The following IQANK1 variants were observed in gnomAD, a reference collection of about 807,000 sequenced individuals.
IQANK1 encodes IQ motif and ankyrin repeat containing 1, also known as IQ motif and ankyrin repeat domain-containing protein 1.
IQANK1 carries 30 observed loss-of-function variants against 22.6 expected under a neutral mutation model. The observed-to-expected ratio is 1.33, with a 90% confidence interval of 0.99 to 1.80. The LOEUF (loss-of-function observed/expected upper bound fraction) is 1.80. Among genes scored for constraint, IQANK1 ranks in the 40% most tolerant of loss-of-function variants. The pLI, the probability that IQANK1 is intolerant of heterozygous loss-of-function variation, is 0.00. For missense variants in IQANK1, 275 were observed against 235.2 expected, an observed-to-expected ratio of 1.17 and a Z score of -1.11; for synonymous variants, 122 against 99.6, an observed-to-expected ratio of 1.23 and a Z score of -1.34.
At position 143,771,731 on chromosome 8, in the gene IQANK1, C is replaced by T. The variant is rs983821788; in HGVS notation, c.307-70C>T. On this transcript the variant is annotated intron_variant, in intron 4 of 13. Transcript: ENST00000527139. The surrounding 1 kb of genome is among the most constrained non-coding windows in gnomAD (Gnocchi z 6.0). The stretch of plus-strand genomic sequence containing the variant: ...TCAGATCGGGCTCCGACCTCAGAGG[C>T]GTGGACCGTGGCCTCGGGGCTCGGG... The T allele has an allele frequency of 9.3e-5, 37 of 396,690 alleles. No homozygotes were observed. Among genetic ancestry groups the T allele is most frequent in the Non-Finnish European group, 1.6e-4 (36 of 225,312 alleles). 24.6% of individuals were successfully genotyped at this position (396,690 alleles called of 1,614,324 possible).
Position 143,774,164 on chromosome 8 carries a change from A to G in IQANK1, c.789+1682A>G, listed in dbSNP as rs78804226. ...TTGGAGGGATTCTTGGACATGACAC[A>G]AAAAGCACAATCCAAAAAAAAAAAA... On this transcript the variant is annotated intron_variant, in intron 7 of 13. Transcript: ENST00000527139. This position sits in a 1 kb window ranked among gnomAD's most constrained non-coding sequence, Gnocchi z 4.2. Among the ~76,000 whole-genome samples, 6,323 of 114,542 alleles carry G rather than the reference A, an allele frequency of 0.055. 382 individuals carry two copies. The highest frequency in any genetic ancestry group is 0.16 in the African/African-American group (5,685 of 36,084). 75.1% of individuals were successfully genotyped at this position (114,542 alleles called of 152,430 possible).
intron 3 of IQANK1, among the ~76,000 whole-genome samples, chr8:143,748,407 T>C (rs1819075918): frequency 6.8e-6 from 1 of 147,662 alleles, no homozygotes; most frequent in Non-Finnish European, 1.5e-5. Context: ...TTCAGTCCAT[T>C]GTGTTGGCTT....
intron 3 of IQANK1, among the ~76,000 whole-genome samples, chr8:143,752,062 T>C (rs2129841656): frequency 6.6e-6 from 1 of 152,158 alleles, no homozygotes; most frequent in East Asian, 1.9e-4. Flanking sequence ...GCCTCCCAGG[T>C]TCAAGCGATT....
intron 7 of IQANK1, among the ~76,000 whole-genome samples, chr8:143,786,944 C>A (rs558829388): frequency 6.6e-6 from 1 of 152,138 alleles, no homozygotes; most frequent in Non-Finnish European, 1.5e-5. Flanking sequence ...GGGGGCTGAT[C>A]GAGGAATACA....
At chr8:143,764,451 C>CAAA (rs33978948) in intron 3 of IQANK1, among the ~76,000 whole-genome samples, 148 of 129,470 alleles carry the variant, frequency 1.1e-3, no homozygotes, top group Middle Eastern at 4.2e-3. Context: ...TCCGTCGCTA[C>CAAA]AAAAAAAAAA....
chr8:143,789,679 G>T (rs1819981453), intron 10 of IQANK1, 82 bp from the exon 11 acceptor site: 3 of 1,213,734 alleles, frequency 2.5e-6, no homozygotes, highest in Non-Finnish European at 1.0e-6. Context: ...TTGGGGTGGG[G>T]TGGGGAGGAA....
chr8:143,744,031 A>C (rs535435890), intron 3 of IQANK1: 1 of 308,604 alleles, frequency 3.2e-6, no homozygotes, highest in Non-Finnish European at 6.4e-6. Flanking sequence ...ACAGGGTTTC[A>C]CCATGTTGGC....
intron 7 of IQANK1, among the ~76,000 whole-genome samples, chr8:143,787,587 G>T (rs1216801436): frequency 1.3e-5 from 2 of 152,136 alleles, no homozygotes; most frequent in African/African-American, 4.8e-5. Context: ...TCCCAGTTCT[G>T]CCCACATTCA....
Position 143,775,004 on chromosome 8 carries a change from C to A in IQANK1, c.789+2522C>A, listed in dbSNP as rs184113688. On this transcript the variant is annotated intron_variant, in intron 7 of 13. Coordinates refer to ENST00000527139, the MANE Select transcript of IQANK1 (RefSeq NM_001381874.1). ...GCAGGAAAAGCGGGGAGAGATGGGGCCGACTGGGCAGGAGTAGCACAAGAG... is the reference window on the plus strand; with the variant it reads ...GCAGGAAAAGCGGGGAGAGATGGGGACGACTGGGCAGGAGTAGCACAAGAG... Among the ~76,000 whole-genome samples the A allele has an allele frequency of 3.0e-4, 46 of 152,202 alleles. No homozygotes were observed. The East Asian group carries it at 5.0e-3, about 17-fold the overall frequency.
intron 2 of IQANK1, among the ~76,000 whole-genome samples, chr8:143,737,441 G>A (rs1454514053): frequency 6.6e-6 from 1 of 152,222 alleles, no homozygotes; most frequent in Non-Finnish European, 1.5e-5. Flanking sequence ...CATTGGGCCA[G>A]CCTGGGCAGG....
At chr8:143,749,258 G>T (rs1270800356) in intron 3 of IQANK1, among the ~76,000 whole-genome samples, 1 of 114,668 alleles carries the variant, frequency 8.7e-6, no homozygotes, top group Non-Finnish European at 1.6e-5. Context: ...TGTTATATAT[G>T]ATATAAATGT....
At chr8:143,788,783 C>A (rs1425948963) in intron 7 of IQANK1, 132 bp from the exon 8 acceptor site, 1 of 397,560 alleles carries the variant, frequency 2.5e-6, no homozygotes, top group African/African-American at 2.1e-5. Flanking sequence ...CCACCACGCA[C>A]CAGCTGTGAG....
chr8:143,738,677 T>C (rs1818809747), intron 2 of IQANK1, among the ~76,000 whole-genome samples: 1 of 152,150 alleles, frequency 6.6e-6, no homozygotes, highest in African/African-American at 2.4e-5. Context: ...GGTCCTGCCC[T>C]GGGCGGCACC....
Position 143,764,959 on chromosome 8 carries a change from T to C in IQANK1, c.176-6529T>C, listed in dbSNP as rs116504635. ...ACACTATTGCATCCCCACCTAACTC[T>C]GCTCCTCCCTGCAGATGAATCCACT... On this transcript the variant is annotated intron_variant, in intron 3 of 13. Coordinates refer to ENST00000527139, the MANE Select transcript of IQANK1 (RefSeq NM_001381874.1). 9.7e-3 allele frequency among the ~76,000 whole-genome samples: 1,473 copies of C among 152,312 alleles called. 28 individuals are homozygous for C. The highest frequency in any genetic ancestry group is 0.033 in the African/African-American group (1,382 of 41,562).
At chr8:143,742,903 G>A (rs1006456436) in intron 3 of IQANK1, 5 of 456,108 alleles carry the variant, frequency 1.1e-5, no homozygotes, top group Admixed American at 7.0e-5. Flanking sequence ...CTTGCTGGAC[G>A]GAGGCACAGG....
rs1819996131 is a variant in IQANK1 at position 143,790,054 on chromosome 8, G to C, written c.1279G>C (p.Ala427Pro). The change falls in exon 12 of 14, where the codon GCC becomes CCC. Residue 427 changes from alanine to proline, a missense_variant. Ala to Pro is a conservative substitution (Grantham distance 27, BLOSUM62 -1). Coordinates refer to ENST00000527139, the MANE Select transcript of IQANK1 (RefSeq NM_001381874.1). Reference protein sequence around the residue: ...LMKDVGNRIRADGRWPLVIDP... With the variant: ...LMKDVGNRIRPDGRWPLVIDP... ...GAAAGATGTAGGCAACCGCATCCGTGCCGATGGCCGGTCAGTTCTCCGGGC... is the reference window on the plus strand; with the variant it reads ...GAAAGATGTAGGCAACCGCATCCGTCCCGATGGCCGGTCAGTTCTCCGGGC... The C allele has an allele frequency of 8.1e-7, 1 of 1,231,998 alleles. No individual in the cohort carries two copies. Among genetic ancestry groups the C allele is most frequent in the Admixed American group, 4.2e-5 (1 of 23,708 alleles). The allele number at this position is 1,231,998 out of a possible 1,614,324, so 76.3% of individuals were successfully genotyped here. A position where few individuals can be genotyped will look rare whatever the true frequency, so the allele number is the denominator to read the frequency against.
intron 7 of IQANK1, among the ~76,000 whole-genome samples, chr8:143,784,902 C>T (rs1206293682): frequency 6.6e-6 from 1 of 152,152 alleles, no homozygotes; most frequent in Non-Finnish European, 1.5e-5. Context: ...AGTTTTTTTA[C>T]CCTCTTTTCT....
intron 3 of IQANK1, chr8:143,743,793 T>G: frequency 2.5e-6 from 1 of 397,260 alleles, no homozygotes. Flanking sequence ...ATCAGAAACA[T>G]TAGTTTCATA....
chr8:143,751,658 G>GTATATATATATATATATATATATA (rs1325258601), intron 3 of IQANK1, among the ~76,000 whole-genome samples: 8 of 38,828 alleles, frequency 2.1e-4, no homozygotes, highest in Non-Finnish European at 4.6e-4. Context: ...GTGTGTGTGT[G>GTATATATATATATATATATATATA]TGTGTGTATA....
Sources: allele counts gnomAD v4.1 joint callset (sites outside exome capture counted in the v4.1 genomes callset), GRCh38; gene constraint gnomAD v4.1.1; non-coding constraint Gnocchi (gnomAD v3.1); transcripts MANE v1.5; gene names NCBI Gene and HGNC (gene_info 2026-07-23, HGNC 2026-07-21).